AKAP6: variants seen among roughly 807,000 people sequenced by gnomAD.
AKAP6 encodes A-kinase anchoring protein 6.
Under a neutral mutation model 188.5 loss-of-function variants are expected in AKAP6, and 58 were observed. That is an observed-to-expected ratio of 0.31 (90% CI 0.25 to 0.38). The LOEUF (loss-of-function observed/expected upper bound fraction) is 0.38. Among genes scored for constraint, AKAP6 ranks in the 10% least tolerant of loss-of-function variants. The pLI is 1.00. For synonymous variants in AKAP6, 989 were observed against 998.6 expected, an observed-to-expected ratio of 0.99 and a Z score of 0.18; for missense variants, 2,710 against 2,740.0, an observed-to-expected ratio of 0.99 and a Z score of 0.24.
chr14:32,354,852 T>C (rs1294340490), intron 1 of AKAP6, among the ~76,000 whole-genome samples: 2 of 152,246 alleles, frequency 1.3e-5, no homozygotes, highest in Non-Finnish European at 2.9e-5. Context: ...AGTGTCCTTT[T>C]GCCTTCTGGC....
chr14:32,656,275 G>A (rs1048207107), intron 7 of AKAP6, among the ~76,000 whole-genome samples: 4 of 151,944 alleles, frequency 2.6e-5, no homozygotes, highest in Admixed American at 2.0e-4. Context: ...AATTATCAAA[G>A]GTGACTCTAT....
chr14:32,835,052 G>A lies in AKAP6; in HGVS notation c.*5247G>A, dbSNP rs1487039752. The A allele has an allele frequency of 1.3e-5, 2 of 152,174 alleles. No individual in the cohort carries two copies. Among genetic ancestry groups the A allele is most frequent in the African/African-American group, 4.8e-5 (2 of 41,448 alleles). The allele number at this position is 152,174 out of a possible 1,614,324, so 9.4% of individuals were successfully genotyped here. A position where few individuals can be genotyped will look rare whatever the true frequency, so the allele number is the denominator to read the frequency against. On this transcript the variant is annotated 3_prime_UTR_variant, in exon 14 of 14. Transcript: ENST00000280979. ...TATTAGAACACATCCACGCACATTT[G>A]TTTCCATAGTCTACGGATGCTTTGA... is the stretch of plus-strand genomic sequence containing the variant.
At chr14:32,807,952 A>T (rs115379599) in intron 12 of AKAP6, among the ~76,000 whole-genome samples, 4 of 152,222 alleles carry the variant, frequency 2.6e-5, no homozygotes, top group African/African-American at 9.6e-5. Context: ...ACCTGTAAAG[A>T]TTAAAGGACT....
intron 7 of AKAP6, among the ~76,000 whole-genome samples, chr14:32,651,740 G>C (rs1305101221): frequency 2.0e-5 from 3 of 152,152 alleles, no homozygotes; most frequent in African/African-American, 4.8e-5. Flanking sequence ...TCTTAATACT[G>C]TTGCATTGGG....
At chr14:32,416,743 T>C (rs984525253) in intron 1 of AKAP6, among the ~76,000 whole-genome samples, 2 of 151,980 alleles carry the variant, frequency 1.3e-5, no homozygotes, top group African/African-American at 2.4e-5. Flanking sequence ...TTAGTAGAGA[T>C]GGGGTTTCAC....
At chr14:32,433,219 G>C in intron 1 of AKAP6, 1 of 369,780 alleles carries the variant, frequency 2.7e-6, no homozygotes, top group South Asian at 3.5e-5. Context: ...GGGAAGAATA[G>C]ATGGGGGCGG....
intron 6 of AKAP6, 28 bp downstream of exon 6, chr14:32,599,534 T>G: frequency 6.4e-7 from 1 of 1,562,808 alleles, no homozygotes; most frequent in East Asian, 2.2e-5. Context: ...ATTGCAAGTC[T>G]TTACGTCTCC....
intron 2 of AKAP6, among the ~76,000 whole-genome samples, chr14:32,470,787 A>T (rs545876894): frequency 1.6e-4 from 24 of 152,298 alleles, no homozygotes; most frequent in African/African-American, 5.8e-4. Context: ...GATTTTTCTT[A>T]AGTCTAAATT....
intron 8 of AKAP6, among the ~76,000 whole-genome samples, chr14:32,687,035 C>G (rs549452729): frequency 6.6e-6 from 1 of 152,208 alleles, no homozygotes; most frequent in South Asian, 2.1e-4. Flanking sequence ...ATCCCAAGCA[C>G]AACAGGCTGA....
chr14:32,643,129 A>G (rs543651943), intron 7 of AKAP6, among the ~76,000 whole-genome samples: 3 of 152,286 alleles, frequency 2.0e-5, no homozygotes, highest in Non-Finnish European at 4.4e-5. Flanking sequence ...AAGGGACTCT[A>G]TTAATCATTG....
At position 32,409,362 on chromosome 14, in the gene AKAP6, G is replaced by C. The variant is rs73259224; in HGVS notation, c.-34-24098G>C. Among the ~76,000 whole-genome samples the C allele has an allele frequency of 3.4e-3, 520 of 152,290 alleles. 5 individuals are homozygous for C. The highest frequency in any genetic ancestry group is 0.012 in the African/African-American group (501 of 41,566). On this transcript the variant is annotated intron_variant, in intron 1 of 13. Coordinates refer to ENST00000280979, the MANE Select transcript of AKAP6 (RefSeq NM_004274.5). ...CTACAGAACTACACAGATGACAAAGGAGCCCAGAATTCTTGAACTGAAACA... is the reference window on the plus strand; with the variant it reads ...CTACAGAACTACACAGATGACAAAGCAGCCCAGAATTCTTGAACTGAAACA...
intron 1 of AKAP6, among the ~76,000 whole-genome samples, chr14:32,358,203 C>G (rs1887545672): frequency 6.6e-6 from 1 of 152,218 alleles, no homozygotes; most frequent in Non-Finnish European, 1.5e-5. Flanking sequence ...ACCTTCCCCT[C>G]TCAACTTCCT....
intron 9 of AKAP6, among the ~76,000 whole-genome samples, chr14:32,717,131 G>T (rs1196743517): frequency 1.3e-5 from 2 of 151,532 alleles, no homozygotes; most frequent in African/African-American, 2.4e-5. Flanking sequence ...TTGCAGGATT[G>T]ATGGTGCCCA....
chr14:32,380,292 A>ACCGG (rs1888309036), intron 1 of AKAP6, among the ~76,000 whole-genome samples: 1 of 152,084 alleles, frequency 6.6e-6, no homozygotes, highest in Admixed American at 6.6e-5. Flanking sequence ...CTGAGTTCCC[A>ACCGG]CCGGCCCCCC....
chr14:32,732,447 A>G lies in AKAP6; in HGVS notation c.3001-7A>G, dbSNP rs750116522. On this transcript the variant is annotated splice_region_variant and splice_polypyrimidine_tract_variant and intron_variant, in intron 9 of 13. Transcript: ENST00000280979. ...TAATGATATCTCTTTTTCTCTTTTCATTTTAGCGATACAGTGTGGAAATGT... is the reference window on the plus strand; with the variant it reads ...TAATGATATCTCTTTTTCTCTTTTCGTTTTAGCGATACAGTGTGGAAATGT... 25 of 1,605,218 alleles carry G rather than the reference A, an allele frequency of 1.6e-5. No individual in the cohort carries two copies. The highest frequency in any genetic ancestry group is 1.9e-5 in the Non-Finnish European group (22 of 1,176,866).
At chr14:32,555,209 G>T (rs1883637495) in intron 4 of AKAP6, among the ~76,000 whole-genome samples, 1 of 152,142 alleles carries the variant, frequency 6.6e-6, no homozygotes, top group Admixed American at 6.6e-5. Flanking sequence ...TATGCTCCCA[G>T]TTTTGTGGTA....
At chr14:32,543,932 G>C (rs903684440) in intron 3 of AKAP6, among the ~76,000 whole-genome samples, 2 of 152,158 alleles carry the variant, frequency 1.3e-5, no homozygotes, top group Non-Finnish European at 2.9e-5. Context: ...GGACTCTGAG[G>C]CTTAGAAAAG....
rs566411677 is a variant in AKAP6 at position 32,677,121 on chromosome 14, C to T, written c.2731-1190C>T. 2.0e-3 allele frequency among the ~76,000 whole-genome samples: 305 copies of T among 152,294 alleles called. 2 individuals carry two copies. Among genetic ancestry groups the T allele is most frequent in the Non-Finnish European group, 1.7e-3 (117 of 68,026 alleles). On this transcript the variant is annotated intron_variant, in intron 7 of 13. Coordinates refer to ENST00000280979, the MANE Select transcript of AKAP6 (RefSeq NM_004274.5). ...GATTGCAGGCATGCATCACCGCACC[C>T]GGCCTGCAAGACCTCATTTTTCATA...
chr14:32,468,054 G>C (rs1878559730), intron 2 of AKAP6, among the ~76,000 whole-genome samples: 1 of 151,662 alleles, frequency 6.6e-6, no homozygotes. Context: ...CACCCTAATT[G>C]TCATCTCCCT....
Sources: allele counts gnomAD v4.1 joint callset (sites outside exome capture counted in the v4.1 genomes callset), GRCh38; gene constraint gnomAD v4.1.1; transcripts MANE v1.5; gene names NCBI Gene and HGNC (gene_info 2026-07-23, HGNC 2026-07-21).